CNBD1: variants seen among roughly 807,000 people sequenced by gnomAD.
CNBD1 encodes cyclic nucleotide binding domain containing 1.
Under a neutral mutation model 54.4 loss-of-function variants are expected in CNBD1, and 71 were observed. The observed-to-expected ratio is 1.30, with a 90% confidence interval of 1.08 to 1.59. The LOEUF (loss-of-function observed/expected upper bound fraction) is 1.59. Ranked by LOEUF, CNBD1 falls within the 40% of genes most tolerant of loss-of-function variation. The probability of loss-of-function intolerance (pLI) is 0.00; values close to 1 mark genes in which losing one functional copy is unlikely to be tolerated. For missense variants in CNBD1, 659 were observed against 518.0 expected, an observed-to-expected ratio of 1.27 and a Z score of -2.64; for synonymous variants, 182 against 170.7, an observed-to-expected ratio of 1.07 and a Z score of -0.51.
rs115291440 is a variant in CNBD1, at chr8:87,102,944, T to C, written c.432-103049T>C. 4.8e-3 allele frequency among the ~76,000 whole-genome samples: 728 copies of C among 152,056 alleles called. 5 individuals carry two copies. The highest frequency in any genetic ancestry group is 0.017 in the African/African-American group (692 of 41,470). On this transcript the variant is annotated intron_variant, in intron 4 of 10. Coordinates refer to ENST00000518476, the MANE Select transcript of CNBD1 (RefSeq NM_173538.3). ...ACTTGTTAAATGATAAAAGAGACAA[T>C]ATAGGGAGAGAGGGATTCAGAGGAA...
chr8:87,031,179 A>G (rs1332554611), intron 4 of CNBD1, among the ~76,000 whole-genome samples: 3 of 152,030 alleles, frequency 2.0e-5, no homozygotes, highest in Non-Finnish European at 2.9e-5. Flanking sequence ...TGGCATTTCT[A>G]TAGTCAGTCT....
At chr8:87,413,570 A>C (rs1729296777) in intron 2 of CNBD1, among the ~76,000 whole-genome samples, 2 of 151,974 alleles carry the variant, frequency 1.3e-5, no homozygotes, top group Admixed American at 1.3e-4. Flanking sequence ...GGTTTTATTT[A>C]TTGCTATTCT....
At position 87,382,815 on chromosome 8, in the gene CNBD1, T is replaced by C. The variant is rs1261295118; in HGVS notation, c.*188T>C. The C allele has an allele frequency of 2.2e-6, 1 of 451,800 alleles. No individual in the cohort carries two copies. Among genetic ancestry groups the C allele is most frequent in the African/African-American group, 2.0e-5 (1 of 50,944 alleles). 28.0% of individuals were successfully genotyped at this position (451,800 alleles called of 1,614,324 possible). A position where few individuals can be genotyped will look rare whatever the true frequency, so the allele number is the denominator to read the frequency against. ...ACACAGTTTTTATTAGCAGTCTTTC[T>C]TGGTTTGGATACTAAAATAAATATA... On this transcript the variant is annotated 3_prime_UTR_variant, in exon 11 of 11. Transcript: ENST00000518476.
At chr8:87,213,568 C>T (rs1212300138) in intron 5 of CNBD1, among the ~76,000 whole-genome samples, 1 of 152,130 alleles carries the variant, frequency 6.6e-6, no homozygotes, top group Non-Finnish European at 1.5e-5. Context: ...ACCATGACAA[C>T]AGTATGGGAG....
chr8:87,190,756 C>T (rs1813583378), intron 4 of CNBD1, among the ~76,000 whole-genome samples: 1 of 151,654 alleles, frequency 6.6e-6, no homozygotes, highest in African/African-American at 2.4e-5. Flanking sequence ...AAGACATTTT[C>T]ACTATAGTCA....
chr8:87,096,804 C>CTT (rs200048715), intron 4 of CNBD1, among the ~76,000 whole-genome samples: 6 of 145,818 alleles, frequency 4.1e-5, no homozygotes, highest in South Asian at 4.4e-4. Context: ...TTTTTCTTCC[C>CTT]TTTTTTTTTT....
At chr8:87,236,856 A>G in intron 5 of CNBD1, 63 bp from the exon 6 acceptor site, 1 of 893,384 alleles carries the variant, frequency 1.1e-6, no homozygotes, top group Non-Finnish European at 1.7e-6. Flanking sequence ...TATATATATT[A>G]GTCATATCTA....
intron 4 of CNBD1, among the ~76,000 whole-genome samples, chr8:87,147,086 C>G (rs1290540553): frequency 1.3e-5 from 2 of 152,084 alleles, no homozygotes; most frequent in South Asian, 2.1e-4. Context: ...TCAATTCTCT[C>G]CCTCATCTTT....
chr8:87,131,562 C>T lies in CNBD1; in HGVS notation c.432-74431C>T, dbSNP rs530827176. 1.4e-3 allele frequency among the ~76,000 whole-genome samples: 217 copies of T among 152,062 alleles called. 1 individual carries two copies. Among genetic ancestry groups the T allele is most frequent in the Middle Eastern group, 6.8e-3 (2 of 294 alleles). On this transcript the variant is annotated intron_variant, in intron 4 of 10. Transcript: ENST00000518476. ...CTCATTAAGCATTTAAAGCTATTTC[C>T]TTATAAACATTGCTGTAGTTGTATC... is the stretch of plus-strand genomic sequence containing the variant.
At chr8:87,075,500 C>G (rs1368133299) in intron 4 of CNBD1, among the ~76,000 whole-genome samples, 2 of 152,312 alleles carry the variant, frequency 1.3e-5, no homozygotes, top group East Asian at 3.9e-4. Flanking sequence ...TGCTGGAGTC[C>G]TCATTCATCA....
intron 8 of CNBD1, among the ~76,000 whole-genome samples, chr8:87,289,812 C>A (rs143838329): frequency 1.7e-3 from 263 of 152,158 alleles, no homozygotes; most frequent in Non-Finnish European, 2.7e-3. Flanking sequence ...TCTTCCAGTT[C>A]AATTTACTCT....
chr8:87,342,034 G>T (rs1271112448), intron 8 of CNBD1, among the ~76,000 whole-genome samples: 3 of 152,150 alleles, frequency 2.0e-5, no homozygotes, highest in Admixed American at 2.0e-4. Flanking sequence ...AGCACTTTGG[G>T]AGGCCGAGGC....
intron 10 of CNBD1, among the ~76,000 whole-genome samples, chr8:87,374,613 C>A (rs1210010680): frequency 6.6e-6 from 1 of 151,758 alleles, no homozygotes; most frequent in Non-Finnish European, 1.5e-5. Context: ...AATTTCCCAG[C>A]CTCTCTAGCA....
chr8:87,115,058 A>G lies in CNBD1; in HGVS notation c.432-90935A>G, dbSNP rs942099609. On this transcript the variant is annotated intron_variant, in intron 4 of 10. Coordinates refer to ENST00000518476, the MANE Select transcript of CNBD1 (RefSeq NM_173538.3). ...TGCATAATGAGGTTACTTTTGGAGAATATTGGACCTTAATGGCAATTTAAT... is the reference window on the plus strand; with the variant it reads ...TGCATAATGAGGTTACTTTTGGAGAGTATTGGACCTTAATGGCAATTTAAT... Among the ~76,000 whole-genome samples the G allele has an allele frequency of 7.2e-5, 11 of 152,298 alleles. No homozygotes were observed. In the East Asian group the frequency reaches 2.1e-3, roughly 29 times the overall value.
At chr8:87,085,308 G>A (rs1811074658) in intron 4 of CNBD1, among the ~76,000 whole-genome samples, 1 of 152,012 alleles carries the variant, frequency 6.6e-6, no homozygotes, top group African/African-American at 2.4e-5. Flanking sequence ...TTCTAGTAGT[G>A]TGCTGTTTTT....
chr8:86,883,116 A>G (rs1399670321), intron 1 of CNBD1, among the ~76,000 whole-genome samples: 2 of 152,130 alleles, frequency 1.3e-5, no homozygotes, highest in Non-Finnish European at 1.5e-5. Flanking sequence ...ATAACAAACC[A>G]CCATGATACA....
chr8:86,902,997 A>G (rs1808962193), intron 2 of CNBD1, among the ~76,000 whole-genome samples: 1 of 152,170 alleles, frequency 6.6e-6, no homozygotes. Flanking sequence ...CAGAAGTAGG[A>G]ATATGTTCCA....
intron 4 of CNBD1, among the ~76,000 whole-genome samples, chr8:87,021,526 T>A (rs1393035695): frequency 6.6e-6 from 1 of 152,238 alleles, no homozygotes; most frequent in African/African-American, 2.4e-5. Flanking sequence ...TACATTTGCT[T>A]ATCAAAGGTT....
chr8:87,346,475 A>G (rs1810178494), intron 8 of CNBD1, among the ~76,000 whole-genome samples: 1 of 151,832 alleles, frequency 6.6e-6, no homozygotes, highest in Non-Finnish European at 1.5e-5. Context: ...CCAATTGGCC[A>G]ATTATGAATC....
Sources: allele counts gnomAD v4.1 joint callset (sites outside exome capture counted in the v4.1 genomes callset), GRCh38; gene constraint gnomAD v4.1.1; transcripts MANE v1.5; gene names NCBI Gene and HGNC (gene_info 2026-07-23, HGNC 2026-07-21).